FIRRM: variants seen among roughly 807,000 people sequenced by gnomAD.
The protein encoded by FIRRM is FIGNL1 interacting regulator of recombination and mitosis, also known as FIGNL1-interacting regulator of recombination and mitosis.
the FIRRM span, chr1:169,821,673 G>A: frequency 6.4e-7 from 1 of 1,561,612 alleles, no homozygotes; most frequent in Non-Finnish European, 8.7e-7. Flanking sequence ...TCCCTTTTTG[G>A]ATCAGGATAA....
chr1:169,804,405 T>C, the FIRRM span: 4 of 475,390 alleles, frequency 8.4e-6, no homozygotes, highest in African/African-American at 2.0e-5. Flanking sequence ...TTGTAAAATT[T>C]ATTTTGGGTA....
chr1:169,832,799 G>C, the FIRRM span, among the ~76,000 whole-genome samples: 1 of 151,852 alleles, frequency 6.6e-6, no homozygotes, highest in Non-Finnish European at 1.5e-5. Flanking sequence ...GTAGAGACTG[G>C]GTCTCACTAT....
At chr1:169,821,566 A>G in the FIRRM span, 1 of 669,276 alleles carries the variant, frequency 1.5e-6, no homozygotes. Flanking sequence ...ACTGTGTTTA[A>G]GAGGGGTTTT....
At chr1:169,851,826 G>A in the FIRRM span, 1 of 1,613,872 alleles carries the variant, frequency 6.2e-7, no homozygotes, top group African/African-American at 1.3e-5. Context: ...GACTGGGTTT[G>A]TAGATGAAAC....
At chr1:169,813,148 T>C in the FIRRM span, among the ~76,000 whole-genome samples, 1 of 152,248 alleles carries the variant, frequency 6.6e-6, no homozygotes, top group Non-Finnish European at 1.5e-5. Flanking sequence ...TAAAGCTGTT[T>C]GGATTATAGT....
chr1:169,800,805 C>A, the FIRRM span: 24 of 485,094 alleles, frequency 4.9e-5, no homozygotes, highest in East Asian at 1.9e-4. Flanking sequence ...TGGTAGTATT[C>A]TTGCATTTAA....
the FIRRM span, among the ~76,000 whole-genome samples, chr1:169,803,674 C>G: frequency 1.3e-5 from 2 of 152,148 alleles, no homozygotes; most frequent in Non-Finnish European, 2.9e-5. Context: ...GAAAGTTAAT[C>G]CTTATTTAGT....
At chr1:169,819,695 C>T in the FIRRM span, among the ~76,000 whole-genome samples, 18,773 of 145,686 alleles carry the variant, frequency 0.13, 1,361 homozygotes, top group Admixed American at 0.2. Context: ...CTTTTAAATC[C>T]CCTATTACCC....
chr1:169,829,128 G>A, the FIRRM span: 1 of 699,412 alleles, frequency 1.4e-6, no homozygotes, highest in Non-Finnish European at 2.2e-6. Flanking sequence ...ATTCACACGT[G>A]TTGGAAACTA....
chr1:169,802,738 T>A, the FIRRM span: 1 of 1,519,934 alleles, frequency 6.6e-7, no homozygotes, highest in Non-Finnish European at 9.1e-7. Flanking sequence ...AAGTCAAATG[T>A]ATTAGAAAGC....
At chr1:169,790,917 T>C in the FIRRM span, among the ~76,000 whole-genome samples, 2 of 152,180 alleles carry the variant, frequency 1.3e-5, no homozygotes, top group Non-Finnish European at 2.9e-5. Context: ...AATTTTTCCA[T>C]GAAGGGCTGG....
the FIRRM span, among the ~76,000 whole-genome samples, chr1:169,810,978 G>A: frequency 6.7e-6 from 1 of 149,810 alleles, no homozygotes. Flanking sequence ...CCCTGCCTCA[G>A]CCTCCCGAGT....
At chr1:169,839,820 G>A in the FIRRM span, among the ~76,000 whole-genome samples, 26 of 152,164 alleles carry the variant, frequency 1.7e-4, no homozygotes, top group African/African-American at 6.3e-4. Flanking sequence ...CTAGAATGGT[G>A]TTTCCTAGGT....
the FIRRM span, among the ~76,000 whole-genome samples, chr1:169,805,319 T>C: frequency 6.6e-6 from 1 of 152,254 alleles, no homozygotes; most frequent in African/African-American, 2.4e-5. Flanking sequence ...ATCTGGCTGT[T>C]GGCAGAGGCA....
the FIRRM span, chr1:169,821,799 C>T: frequency 1.4e-6 from 2 of 1,387,052 alleles, no homozygotes; most frequent in South Asian, 1.2e-5. Flanking sequence ...AATTGTAGTT[C>T]TCTCAGAAAA....
the FIRRM span, chr1:169,805,970 G>T: frequency 7.7e-7 from 1 of 1,303,168 alleles, no homozygotes; most frequent in Non-Finnish European, 1.1e-6. Context: ...ATGACATTTG[G>T]ATGTCTTAAA....
the FIRRM span, among the ~76,000 whole-genome samples, chr1:169,796,393 A>G: frequency 3.9e-5 from 6 of 152,276 alleles, no homozygotes; most frequent in Non-Finnish European, 8.8e-5. Flanking sequence ...GAAAGTCAAC[A>G]TTCCCACCTA....
chr1:169,810,834 A>AATTTTTTTTT, the FIRRM span, among the ~76,000 whole-genome samples: 1 of 61,194 alleles, frequency 1.6e-5, no homozygotes, highest in East Asian at 5.4e-4. Context: ...TTAGCCCCCA[A>AATTTTTTTTT]TTTTTTTTTT....
the FIRRM span, among the ~76,000 whole-genome samples, chr1:169,847,313 T>TAAAAA: frequency 1.2e-5 from 1 of 86,336 alleles, no homozygotes; most frequent in African/African-American, 4.4e-5. Context: ...CTTATATTTC[T>TAAAAA]AAAAAAAAAA....
Sources: allele counts gnomAD v4.1 joint callset (sites outside exome capture counted in the v4.1 genomes callset), GRCh38; gene constraint gnomAD v4.1.1; transcripts MANE v1.5; gene names NCBI Gene and HGNC (gene_info 2026-07-23, HGNC 2026-07-21).